The following RBFOX1 variants were observed in gnomAD, a reference collection of about 807,000 sequenced individuals.
RBFOX1 encodes the protein RNA binding fox-1 homolog 1.
Under a neutral mutation model 57.7 loss-of-function variants are expected in RBFOX1, and 8 were observed. The ratio of observed to expected loss-of-function variants is 0.14; its 90% CI spans 0.08 to 0.25. The LOEUF is 0.25. Ranked by LOEUF, RBFOX1 falls within the 10% of genes least tolerant of loss-of-function variation. The pLI is 1.00. For synonymous variants in RBFOX1, 326 were observed against 222.4 expected, an observed-to-expected ratio of 1.47 and a Z score of -4.15; for missense variants, 611 against 548.5, an observed-to-expected ratio of 1.11 and a Z score of -1.14.
chr16:6,910,233 T>G (rs2071206090), intron 3 of RBFOX1, among the ~76,000 whole-genome samples: 1 of 152,030 alleles, frequency 6.6e-6, no homozygotes, highest in African/African-American at 2.4e-5. Context: ...CATGAGATGA[T>G]TACTTCACAT....
chr16:7,092,773 C>T (rs1206001708), intron 4 of RBFOX1, among the ~76,000 whole-genome samples: 1 of 152,156 alleles, frequency 6.6e-6, no homozygotes, highest in Non-Finnish European at 1.5e-5. Context: ...TAATATTAAT[C>T]ACCTGTTGAT....
chr16:7,603,935 G>A (rs542055501), intron 9 of RBFOX1, among the ~76,000 whole-genome samples: 1 of 152,220 alleles, frequency 6.6e-6, no homozygotes, highest in Admixed American at 6.5e-5. Context: ...GGAAGGAGGA[G>A]GAAGAGGAGA....
rs188459710 is a variant in RBFOX1, at chr16:5,262,608, A to G, written c.219+22503A>G. 2.3e-4 allele frequency among the ~76,000 whole-genome samples: 35 copies of G among 152,190 alleles called. 1 individual carries two copies. The highest frequency in any genetic ancestry group is 2.1e-3 in the East Asian group (11 of 5,168). On this transcript the variant is annotated intron_variant, in intron 1 of 2. Transcript: ENST00000585867. ...GTGAGCCATGCCTTACAACAAATCA[A>G]TCTGTCTCTCTCTAGGTGTATAGCT...
At chr16:6,007,372 A>C (rs965884111) in intron 4 of RBFOX1, among the ~76,000 whole-genome samples, 1 of 152,208 alleles carries the variant, frequency 6.6e-6, no homozygotes, top group Admixed American at 6.5e-5. Flanking sequence ...GAGGGTGACC[A>C]GTAGCCTGAA....
At position 6,457,444 on chromosome 16, in the gene RBFOX1, C is replaced by CCCG. The variant is rs1555484706; in HGVS notation, c.-64+140389_-64+140390insGCC. On this transcript the variant is annotated intron_variant, in intron 2 of 15. Transcript: ENST00000550418. ...GACTGTGAATTTCCGGAAGTCCCCCCCCCCGCAATAGCTTTGATTTGACAT... is the reference window on the plus strand; with the variant it reads ...GACTGTGAATTTCCGGAAGTCCCCCCCCGCCCCGCAATAGCTTTGATTTGACAT... Among the ~76,000 whole-genome samples the CCCG allele has an allele frequency of 6.3e-4, 84 of 132,936 alleles. 1 individual carries two copies. The highest frequency in any genetic ancestry group is 2.1e-3 in the African/African-American group (77 of 37,388). 87.2% of individuals were successfully genotyped at this position (132,936 alleles called of 152,430 possible). A position where few individuals can be genotyped will look rare whatever the true frequency, so the allele number is the denominator to read the frequency against.
chr16:7,484,862 C>G (rs1260967874), intron 4 of RBFOX1, among the ~76,000 whole-genome samples: 1 of 152,100 alleles, frequency 6.6e-6, no homozygotes. Context: ...GATTTAATGG[C>G]CACCTTTGGG....
chr16:5,497,210 T>A (rs2151686572), intron 2 of RBFOX1, among the ~76,000 whole-genome samples: 1 of 152,342 alleles, frequency 6.6e-6, no homozygotes, highest in African/African-American at 2.4e-5. Flanking sequence ...AGATCCACTC[T>A]TGAAATTTAC....
chr16:6,750,825 C>G (rs1404837692), intron 3 of RBFOX1, among the ~76,000 whole-genome samples: 5 of 152,036 alleles, frequency 3.3e-5, no homozygotes, highest in Non-Finnish European at 5.9e-5. Context: ...ACAATAAACG[C>G]CAAAGGGGGA....
At chr16:6,300,395 T>C (rs1305480896) in intron 1 of RBFOX1, among the ~76,000 whole-genome samples, 1 of 152,196 alleles carries the variant, frequency 6.6e-6, no homozygotes, top group African/African-American at 2.4e-5. Flanking sequence ...CCACAGTGTA[T>C]ACATATTTCA....
chr16:5,927,287 A>G (rs550966456), intron 4 of RBFOX1, among the ~76,000 whole-genome samples: 1 of 152,232 alleles, frequency 6.6e-6, no homozygotes, highest in Non-Finnish European at 1.5e-5. Flanking sequence ...TTAAATATAT[A>G]TGTGTGTGGC....
intron 2 of RBFOX1, 122 bp from the exon 3 acceptor site, chr16:6,654,481 A>C: frequency 1.3e-6 from 1 of 758,070 alleles, no homozygotes; most frequent in Non-Finnish European, 2.1e-6. Context: ...AGAAAGAACT[A>C]TTAGGAGCAT....
At chr16:5,953,706 A>G (rs1438968657) in intron 4 of RBFOX1, among the ~76,000 whole-genome samples, 2 of 122,286 alleles carry the variant, frequency 1.6e-5, no homozygotes, top group Admixed American at 1.6e-4. Context: ...CTTCTGTCTT[A>G]TATATATATA....
At chr16:5,582,712 A>G (rs2046712158) in intron 2 of RBFOX1, among the ~76,000 whole-genome samples, 1 of 151,856 alleles carries the variant, frequency 6.6e-6, no homozygotes, top group Non-Finnish European at 1.5e-5. Flanking sequence ...CATCACACCC[A>G]CGCTCGGCTA....
At chr16:6,108,122 T>G (rs2096404130) in intron 1 of RBFOX1, among the ~76,000 whole-genome samples, 1 of 152,172 alleles carries the variant, frequency 6.6e-6, no homozygotes, top group South Asian at 2.1e-4. Context: ...TATTACTTCT[T>G]AAAAAAATCT....
chr16:5,650,326 CGGTGGTGGTGGT>C (rs532668887), intron 3 of RBFOX1, among the ~76,000 whole-genome samples: 3 of 141,600 alleles, frequency 2.1e-5, no homozygotes, highest in Non-Finnish European at 4.7e-5. Flanking sequence ...GCAGCCACGG[CGGTGGTGGTGGT>C]GGTGGTGGTG....
chr16:7,250,978 TAATA>T (rs1220640848), intron 4 of RBFOX1, among the ~76,000 whole-genome samples: 1 of 151,310 alleles, frequency 6.6e-6, no homozygotes, highest in Non-Finnish European at 1.5e-5. Flanking sequence ...TCAGGCTAAT[TAATA>T]CGTGTATTAT....
chr16:7,046,237 G>GGTGT (rs34943266), intron 3 of RBFOX1, among the ~76,000 whole-genome samples: 3,515 of 146,662 alleles, frequency 0.024, 121 homozygotes, highest in African/African-American at 0.075. Flanking sequence ...TAGGTAAAGG[G>GGTGT]GTGTGTGTGT....
At chr16:7,462,226 T>C (rs184476476) in intron 4 of RBFOX1, among the ~76,000 whole-genome samples, 1 of 152,354 alleles carries the variant, frequency 6.6e-6, no homozygotes, top group Admixed American at 6.5e-5. Flanking sequence ...GTTGCTGTTT[T>C]AATGGCTGCT....
At chr16:7,482,414 C>A (rs535877905) in intron 4 of RBFOX1, among the ~76,000 whole-genome samples, 2 of 152,208 alleles carry the variant, frequency 1.3e-5, no homozygotes, top group East Asian at 1.9e-4. Context: ...CCAGCTGTAG[C>A]CTTATTCCTG....
Sources: gnomAD v4.1 joint callset for allele counts (sites outside exome capture counted in the v4.1 genomes callset) on GRCh38, gnomAD v4.1.1 for gene constraint, MANE v1.5 for transcripts, NCBI Gene and HGNC (gene_info 2026-07-23, HGNC 2026-07-21) for gene names.